Variants in FSTL5 observed in about 807,000 individuals in gnomAD.
FSTL5 encodes the protein follistatin-related protein 5.
Under a neutral mutation model 89.1 loss-of-function variants are expected in FSTL5, and 62 were observed. The ratio of observed to expected loss-of-function variants is 0.70; its 90% CI spans 0.57 to 0.86. FSTL5 has a LOEUF of 0.86. Among genes scored for constraint, FSTL5 ranks in the 40% least tolerant of loss-of-function variants. The pLI, the probability that FSTL5 is intolerant of heterozygous loss-of-function variation, is 0.00. For synonymous variants in FSTL5, 383 were observed against 346.2 expected, an observed-to-expected ratio of 1.11 and a Z score of -1.18; for missense variants, 1,057 against 1,001.6, an observed-to-expected ratio of 1.06 and a Z score of -0.75.
At chr4:161,632,336 C>T (rs1735530958) in intron 7 of FSTL5, among the ~76,000 whole-genome samples, 1 of 152,258 alleles carries the variant, frequency 6.6e-6, no homozygotes, top group African/African-American at 2.4e-5. Flanking sequence ...GCAGAGATCA[C>T]GCCACTGTGT....
intron 10 of FSTL5, among the ~76,000 whole-genome samples, chr4:161,522,067 G>A (rs1006882884): frequency 2.6e-5 from 4 of 151,660 alleles, no homozygotes; most frequent in African/African-American, 7.3e-5. Flanking sequence ...TCTCCCCTTC[G>A]TTTCAGTCCC....
At chr4:162,147,647 G>C (rs1315965204) in intron 1 of FSTL5, among the ~76,000 whole-genome samples, 1 of 152,098 alleles carries the variant, frequency 6.6e-6, no homozygotes, top group Non-Finnish European at 1.5e-5. Flanking sequence ...CTTTGAAGAG[G>C]CTTTCCAGAA....
intron 15 of FSTL5, among the ~76,000 whole-genome samples, chr4:161,443,961 A>G (rs1732862311): frequency 6.6e-6 from 1 of 151,922 alleles, no homozygotes; most frequent in Admixed American, 6.6e-5. Context: ...CAAGAAAAAA[A>G]TCTTCTATTT....
intron 10 of FSTL5, among the ~76,000 whole-genome samples, chr4:161,513,930 A>G (rs1202829070): frequency 6.6e-6 from 1 of 152,148 alleles, no homozygotes; most frequent in Non-Finnish European, 1.5e-5. Context: ...ACAAACCCCC[A>G]TGACACACAT....
chr4:161,964,415 A>G (rs1039118151), intron 3 of FSTL5, among the ~76,000 whole-genome samples: 6 of 152,068 alleles, frequency 3.9e-5, no homozygotes, highest in African/African-American at 1.4e-4. Flanking sequence ...GTAGAATCTT[A>G]AAAATTTTCC....
intron 6 of FSTL5, among the ~76,000 whole-genome samples, chr4:161,716,969 T>G (rs1054343296): frequency 5.3e-5 from 8 of 152,178 alleles, no homozygotes; most frequent in African/African-American, 1.9e-4. Flanking sequence ...AAAAATGGCT[T>G]GAAAATTTTT....
intron 3 of FSTL5, among the ~76,000 whole-genome samples, chr4:162,012,012 A>G (rs975189596): frequency 6.6e-6 from 1 of 152,172 alleles, no homozygotes; most frequent in Non-Finnish European, 1.5e-5. Flanking sequence ...GATGTATTTC[A>G]TAATTGTATA....
intron 1 of FSTL5, among the ~76,000 whole-genome samples, chr4:162,115,998 C>T (rs1263371668): frequency 6.6e-6 from 1 of 152,094 alleles, no homozygotes; most frequent in Non-Finnish European, 1.5e-5. Context: ...AGTGTCGTAG[C>T]ATGCCTTTGA....
chr4:161,459,249 C>T lies in FSTL5; in HGVS notation c.1679G>A (p.Ser560Asn), dbSNP rs766251418. Residue 560 changes from serine to asparagine, a missense_variant, in exon 14 of 16, where the codon AGC (serine) becomes AAC (asparagine). Physicochemically the swap from Ser to Asn is conservative, Grantham distance 46. Transcript: ENST00000306100. The part of the protein sequence containing the change: ...DKSHDQVWVL[S>N]WGTLEKTSPT... ...TGATGTCTTCTCCAAGGTACCCCAG[C>T]TTAGCACCCAGACCTGATCATGTGA... 6.2e-7 allele frequency: 1 copy of T among 1,613,332 alleles called. No homozygotes were observed. The highest frequency in any genetic ancestry group is 8.5e-7 in the Non-Finnish European group (1 of 1,179,418).
At chr4:161,655,633 A>G (rs1736489639) in intron 7 of FSTL5, among the ~76,000 whole-genome samples, 1 of 152,192 alleles carries the variant, frequency 6.6e-6, no homozygotes, top group Admixed American at 6.5e-5. Context: ...AAGAATATCT[A>G]TTAGAAGTAA....
At chr4:161,805,344 T>A (rs924877819) in intron 4 of FSTL5, among the ~76,000 whole-genome samples, 19 of 152,116 alleles carry the variant, frequency 1.2e-4, no homozygotes, top group African/African-American at 3.6e-4. Context: ...AGAAAATTAT[T>A]CCAAGAAAGC....
chr4:162,089,853 T>A (rs1317493560), intron 2 of FSTL5, among the ~76,000 whole-genome samples: 6 of 152,126 alleles, frequency 3.9e-5, no homozygotes, highest in Non-Finnish European at 8.8e-5. Flanking sequence ...ATTAAAAATC[T>A]GCAAAATGTT....
At chr4:161,827,926 G>A (rs78364320) in intron 4 of FSTL5, among the ~76,000 whole-genome samples, 6,995 of 152,238 alleles carry the variant, frequency 0.046, 201 homozygotes, top group Non-Finnish European at 0.069. Flanking sequence ...CAGCTTCTGT[G>A]CTGTGTCTAC....
intron 8 of FSTL5, among the ~76,000 whole-genome samples, chr4:161,555,092 A>C (rs1732344490): frequency 6.6e-6 from 1 of 151,608 alleles, no homozygotes; most frequent in Admixed American, 6.6e-5. Context: ...CAAATGTTGG[A>C]GGCAAAATAT....
intron 3 of FSTL5, among the ~76,000 whole-genome samples, chr4:161,986,741 C>G (rs573611564): frequency 3.9e-5 from 6 of 152,138 alleles, no homozygotes; most frequent in Non-Finnish European, 5.9e-5. Context: ...AAGCAGGAGG[C>G]AGGAGGTGTT....
chr4:161,867,693 C>T (rs1732135989), intron 4 of FSTL5, among the ~76,000 whole-genome samples: 1 of 151,346 alleles, frequency 6.6e-6, no homozygotes, highest in Non-Finnish European at 1.5e-5. Flanking sequence ...TATTCATAAA[C>T]TTTGATTCCA....
intron 2 of FSTL5, among the ~76,000 whole-genome samples, chr4:162,091,154 C>T (rs1730534253): frequency 6.6e-6 from 1 of 152,114 alleles, no homozygotes; most frequent in Admixed American, 6.5e-5. Context: ...CAGGTTTCAG[C>T]TAAATTGTCA....
chr4:162,120,901 C>A (rs1172143053), intron 1 of FSTL5, among the ~76,000 whole-genome samples: 3 of 151,864 alleles, frequency 2.0e-5, no homozygotes, highest in African/African-American at 4.8e-5. Context: ...TTTCTAAAGT[C>A]AACTGAAAGG....
intron 10 of FSTL5, among the ~76,000 whole-genome samples, chr4:161,524,505 C>T (rs756327605): frequency 4.6e-5 from 7 of 152,108 alleles, no homozygotes; most frequent in Non-Finnish European, 1.0e-4. Flanking sequence ...AGAATTTCTT[C>T]TGTCAAAGCT....
Sources: gnomAD v4.1 joint callset for allele counts (sites outside exome capture counted in the v4.1 genomes callset) on GRCh38, gnomAD v4.1.1 for gene constraint, MANE v1.5 for transcripts, NCBI Gene and HGNC (gene_info 2026-07-23, HGNC 2026-07-21) for gene names.